Variants in SHOC2 observed in about 807,000 individuals in gnomAD.
SHOC2 encodes SHOC2 leucine rich repeat scaffold protein, also known as leucine-rich repeat protein SHOC-2.
A neutral mutation model predicts 50.2 loss-of-function variants in SHOC2; 4 were observed. The ratio of observed to expected loss-of-function variants is 0.08; its 90% CI spans 0.04 to 0.18. The LOEUF (loss-of-function observed/expected upper bound fraction) is 0.18, where lower values mean the gene tolerates loss of function less well. Ranked by LOEUF, SHOC2 falls within the 10% of genes least tolerant of loss-of-function variation. The pLI is 1.00. For synonymous variants in SHOC2, 218 were observed against 244.5 expected, an observed-to-expected ratio of 0.89 and a Z score of 1.01; for missense variants, 388 against 669.6, an observed-to-expected ratio of 0.58 and a Z score of 4.64.
chr10:110,978,921 A>G (rs776500936), intron 2 of SHOC2, among the ~76,000 whole-genome samples: 8 of 152,242 alleles, frequency 5.3e-5, no homozygotes, highest in Non-Finnish European at 8.8e-5. Context: ...AAAGGCATTT[A>G]TGAAAGTAAA....
intron 3 of SHOC2, among the ~76,000 whole-genome samples, chr10:110,997,857 A>G (rs1848297128): frequency 6.6e-6 from 1 of 152,152 alleles, no homozygotes; most frequent in African/African-American, 2.4e-5. Context: ...TGATGCTTCC[A>G]ATTTAAATAA....
chr10:110,946,045 G>A (rs1158962296), intron 1 of SHOC2, among the ~76,000 whole-genome samples: 1 of 151,628 alleles, frequency 6.6e-6, no homozygotes, highest in Non-Finnish European at 1.5e-5. Flanking sequence ...CATCTTTGTG[G>A]GATTGTCCTT....
At chr10:110,982,560 A>AGAT (rs1354182014) in intron 2 of SHOC2, among the ~76,000 whole-genome samples, 1 of 151,858 alleles carries the variant, frequency 6.6e-6, no homozygotes, top group Admixed American at 6.6e-5. Context: ...AACTGGTGTG[A>AGAT]GATGGTATCT....
At chr10:110,971,856 T>C (rs1847788673) in intron 2 of SHOC2, among the ~76,000 whole-genome samples, 1 of 152,058 alleles carries the variant, frequency 6.6e-6, no homozygotes, top group Admixed American at 6.5e-5. Context: ...TTGTGCAATA[T>C]GGAGGTGTTA....
intron 1 of SHOC2, among the ~76,000 whole-genome samples, chr10:110,926,955 A>G (rs10082499): frequency 0.11 from 16,364 of 152,240 alleles, 963 homozygotes; most frequent in Middle Eastern, 0.16. Flanking sequence ...GGTAGATACT[A>G]TAATTACTAT....
intron 1 of SHOC2, among the ~76,000 whole-genome samples, chr10:110,941,157 C>G (rs1337404564): frequency 6.6e-6 from 1 of 150,838 alleles, no homozygotes; most frequent in African/African-American, 2.4e-5. Context: ...CTTTTTTTTT[C>G]TAAGTTGTGA....
intron 4 of SHOC2, among the ~76,000 whole-genome samples, chr10:111,001,354 C>T (rs962533107): frequency 7.9e-5 from 12 of 151,974 alleles, no homozygotes; most frequent in Non-Finnish European, 1.5e-4. Flanking sequence ...GGGGTTTCAC[C>T]ATGTTGGCCA....
rs774548353 is a variant in SHOC2, at chr10:110,964,972, C to A, written c.614C>A (p.Thr205Asn). 6.2e-7 allele frequency: 1 copy of A among 1,613,506 alleles called. No individual in the cohort carries two copies. Among genetic ancestry groups the A allele is most frequent in the Non-Finnish European group, 8.5e-7 (1 of 1,179,762 alleles). ...TTLYLRFNRI[T>N]TVEKDIKNLS... ...CTTTACCTTCGCTTTAATCGTATAA[C>A]TACTGTGGAAAAGGACATCAAAAAC... Residue 205 changes from threonine to asparagine, a missense_variant, in exon 2 of 9, where the codon ACT (threonine) becomes AAT (asparagine). By Grantham distance (65) the Thr-to-Asn change is moderately conservative (BLOSUM62 0). Transcript: ENST00000369452. The surrounding 1 kb of genome is among the most constrained non-coding windows in gnomAD (Gnocchi z 4.9).
chr10:110,964,269 A>T lies in SHOC2; in HGVS notation c.-90A>T. On this transcript the variant is annotated 5_prime_UTR_variant, in exon 2 of 9. The change abolishes the stop of an existing upstream ORF in the 5' untranslated region. Transcript: ENST00000369452. This position sits in a 1 kb window ranked among gnomAD's most constrained non-coding sequence, Gnocchi z 4.9. ...ACTTCTTCAAGCCAGTACTTTTTTG[A>T]TTGTGTAGGATCTTTGTCTCTTCAT... The T allele has an allele frequency of 1.3e-6, 2 of 1,532,348 alleles. No individual in the cohort carries two copies. The highest frequency in any genetic ancestry group is 2.2e-5 in the Admixed American group (1 of 44,500). 94.9% of individuals were successfully genotyped at this position (1,532,348 alleles called of 1,614,324 possible).
At chr10:110,927,455 A>G (rs1317208179) in intron 1 of SHOC2, among the ~76,000 whole-genome samples, 1 of 152,218 alleles carries the variant, frequency 6.6e-6, no homozygotes, top group Admixed American at 6.5e-5. Flanking sequence ...TGGGATGCTT[A>G]TATACTAGGC....
intron 3 of SHOC2, among the ~76,000 whole-genome samples, chr10:110,989,218 A>G (rs958886540): frequency 2.6e-5 from 4 of 152,206 alleles, no homozygotes; most frequent in African/African-American, 7.2e-5. Flanking sequence ...AGATGAGGCA[A>G]TCAATGAGTT....
chr10:110,920,318 C>A (rs984813309), intron 1 of SHOC2, among the ~76,000 whole-genome samples: 1 of 152,242 alleles, frequency 6.6e-6, no homozygotes. Context: ...AACCTCTCCC[C>A]GTGATAGCAC....
chr10:110,944,841 G>A (rs1279046207), intron 1 of SHOC2, among the ~76,000 whole-genome samples: 3 of 152,212 alleles, frequency 2.0e-5, no homozygotes, highest in African/African-American at 7.2e-5. Context: ...CCTGGAACCA[G>A]TAAATCTCCT....
intron 2 of SHOC2, among the ~76,000 whole-genome samples, chr10:110,967,107 C>A (rs535426135): frequency 5.8e-4 from 88 of 152,252 alleles, no homozygotes; most frequent in Non-Finnish European, 1.1e-3. Flanking sequence ...AATCATAATA[C>A]TATACATTGT....
At chr10:110,957,908 G>C (rs552733909) in intron 1 of SHOC2, among the ~76,000 whole-genome samples, 1 of 152,116 alleles carries the variant, frequency 6.6e-6, no homozygotes, top group African/African-American at 2.4e-5. Context: ...AGATTAATTT[G>C]CTTCTGTTTC....
At chr10:110,986,784 A>T (rs1338307632) in intron 3 of SHOC2, among the ~76,000 whole-genome samples, 1 of 152,080 alleles carries the variant, frequency 6.6e-6, no homozygotes, top group Non-Finnish European at 1.5e-5. Flanking sequence ...TCCAGTCATG[A>T]ATATTTTAGA....
At chr10:110,994,550 C>T (rs1348745541) in intron 3 of SHOC2, among the ~76,000 whole-genome samples, 1 of 151,996 alleles carries the variant, frequency 6.6e-6, no homozygotes, top group Non-Finnish European at 1.5e-5. Flanking sequence ...TGACATGAAA[C>T]ACTTTACAAT....
chr10:111,007,611 C>T lies in SHOC2; in HGVS notation c.1242C>T (p.Leu414=). 1.9e-6 allele frequency: 3 copies of T among 1,613,684 alleles called. No individual in the cohort carries two copies. The highest frequency in any genetic ancestry group is 1.7e-6 in the Non-Finnish European group (2 of 1,179,748). The change falls in exon 6 of 9, where the codon CTC becomes CTT. Residue 414 remains leucine, a synonymous_variant. Transcript: ENST00000369452. ...AATTGAATTTAGCCACTAATCAGCT[C>T]ACAAAGATCCCTGAGGATGTGTCTG... ...MVELNLATNQ[L]TKIPEDVSGL... is the part of the protein sequence containing the mutation.
At chr10:110,951,178 A>G (rs568625614) in intron 1 of SHOC2, among the ~76,000 whole-genome samples, 4 of 152,332 alleles carry the variant, frequency 2.6e-5, no homozygotes, top group South Asian at 2.1e-4. Context: ...TAAGAACTCA[A>G]TGATACAAAA....
Sources: allele counts gnomAD v4.1 joint callset (sites outside exome capture counted in the v4.1 genomes callset), GRCh38; gene constraint gnomAD v4.1.1; non-coding constraint Gnocchi (gnomAD v3.1); transcripts MANE v1.5; gene names NCBI Gene and HGNC (gene_info 2026-07-23, HGNC 2026-07-21).